The following NRG1 variants were observed in gnomAD, a reference collection of about 807,000 sequenced individuals.
NRG1 encodes the protein pro-neuregulin-1, membrane-bound isoform.
In NRG1, 18 loss-of-function variants were observed where a neutral mutation model predicts 63.8. That is an observed-to-expected ratio of 0.28 (90% CI 0.19 to 0.42). The LOEUF (loss-of-function observed/expected upper bound fraction) is 0.42. Among genes scored for constraint, NRG1 ranks in the 10% least tolerant of loss-of-function variants. The probability of loss-of-function intolerance (pLI) is 1.00; values close to 1 mark genes in which losing one functional copy is unlikely to be tolerated. For missense variants in NRG1, 762 were observed against 814.7 expected (o/e 0.94, Z 0.79); for synonymous variants, 302 against 301.3 (o/e 1.00, Z -0.02).
intron 1 of NRG1, among the ~76,000 whole-genome samples, chr8:32,219,263 A>G (rs976661099): frequency 6.6e-6 from 1 of 152,234 alleles, no homozygotes; most frequent in Non-Finnish European, 1.5e-5. Context: ...GTGAAAATAA[A>G]TGCCATTTCT....
chr8:32,497,069 T>C (rs1313986811), intron 1 of NRG1, among the ~76,000 whole-genome samples: 1 of 152,168 alleles, frequency 6.6e-6, no homozygotes, highest in Non-Finnish European at 1.5e-5. Flanking sequence ...CACATCCAAG[T>C]GCCCATATAC....
At position 32,113,632 on chromosome 8, in the gene NRG1, G is replaced by A. The variant is rs768079699; in HGVS notation, c.37+474201G>A. ...ATTCTTCATAGAATCTGATATAAGT[G>A]TCTACCTTGAAAGGTTATTACAAGG... is the stretch of plus-strand genomic sequence containing the variant. On this transcript the variant is annotated intron_variant, in intron 1 of 10. Coordinates refer to the NRG1 transcript ENST00000519301. Among the ~76,000 whole-genome samples, 52 of 152,164 alleles carry A rather than the reference G, an allele frequency of 3.4e-4. 1 individual carries two copies. Among genetic ancestry groups the A allele is most frequent in the Non-Finnish European group, 7.1e-4 (48 of 68,040 alleles).
chr8:32,031,201 C>T (rs975391803), intron 1 of NRG1, among the ~76,000 whole-genome samples: 2 of 152,204 alleles, frequency 1.3e-5, no homozygotes, highest in Non-Finnish European at 2.9e-5. Context: ...TGGCTACCAT[C>T]CATCACCAGG....
rs751621705 is a variant in NRG1, at chr8:31,718,358, G to A, written c.37+78927G>A. ...GATGTGGTATGTGGAATGTGGATTCGTTCGTATCAGGCATGCTTCTTATAG... is the reference window on the plus strand; with the variant it reads ...GATGTGGTATGTGGAATGTGGATTCATTCGTATCAGGCATGCTTCTTATAG... On this transcript the variant is annotated intron_variant, in intron 1 of 10. Coordinates refer to the NRG1 transcript ENST00000519301. Among the ~76,000 whole-genome samples, 283 of 152,252 alleles carry A rather than the reference G, an allele frequency of 1.9e-3. 2 individuals are homozygous for A. Among genetic ancestry groups the A allele is most frequent in the Non-Finnish European group, 2.1e-3 (145 of 68,028 alleles).
intron 1 of NRG1, among the ~76,000 whole-genome samples, chr8:32,481,507 A>G (rs1587893960): frequency 6.6e-6 from 1 of 152,260 alleles, no homozygotes; most frequent in Non-Finnish European, 1.5e-5. Context: ...ATCATGGTCC[A>G]TAGATAATAC....
At chr8:32,315,652 A>G (rs1354306403) in intron 1 of NRG1, among the ~76,000 whole-genome samples, 2 of 152,200 alleles carry the variant, frequency 1.3e-5, no homozygotes, top group Non-Finnish European at 2.9e-5. Flanking sequence ...CTTGTTTACC[A>G]TTGAATCTGA....
At chr8:32,306,172 A>G (rs915114452) in intron 1 of NRG1, among the ~76,000 whole-genome samples, 1 of 152,202 alleles carries the variant, frequency 6.6e-6, no homozygotes, top group African/African-American at 2.4e-5. Context: ...GGCCATAATA[A>G]GTAATGAGAG....
At chr8:32,087,720 C>T (rs2131229894) in intron 1 of NRG1, among the ~76,000 whole-genome samples, 1 of 152,236 alleles carries the variant, frequency 6.6e-6, no homozygotes, top group South Asian at 2.1e-4. Context: ...CTGCCCGCCT[C>T]AGGCTCCCAA....
intron 2 of NRG1, among the ~76,000 whole-genome samples, chr8:32,601,908 T>G (rs572113514): frequency 6.6e-6 from 1 of 152,242 alleles, no homozygotes; most frequent in African/African-American, 2.4e-5. Context: ...TTAAAAATAG[T>G]TTTAAAAATG....
rs373907256 is a variant in NRG1 at position 32,630,647 on chromosome 8, T to C, written c.502+13762T>C. Among the ~76,000 whole-genome samples the C allele has an allele frequency of 8.9e-4, 136 of 152,308 alleles. No homozygotes were observed. In the Middle Eastern group the frequency reaches 0.02, roughly 23 times the overall value. On this transcript the variant is annotated intron_variant, in intron 5 of 11. Coordinates refer to ENST00000356819, the Ensembl canonical transcript of NRG1. The stretch of plus-strand genomic sequence containing the variant: ...TTTTAGTTTAAGTTTCAGATTGATA[T>C]GGAAGGTTATTTGTTTTAACAATCC...
intron 1 of NRG1, among the ~76,000 whole-genome samples, chr8:31,826,841 CTTTG>C (rs1313717399): frequency 5.3e-5 from 8 of 152,176 alleles, no homozygotes; most frequent in African/African-American, 7.2e-5. Flanking sequence ...AAGTTTGTTA[CTTTG>C]TTTGAGAGAT....
chr8:32,258,097 C>T (rs140385019), intron 1 of NRG1, among the ~76,000 whole-genome samples: 2 of 152,268 alleles, frequency 1.3e-5, no homozygotes, highest in African/African-American at 4.8e-5. Context: ...CTGTGTCGAC[C>T]TCTGGAGGAA....
chr8:32,197,053 G>A lies in NRG1; in HGVS notation c.38-398775G>A, dbSNP rs569511703. Among the ~76,000 whole-genome samples, 20 of 139,302 alleles carry A rather than the reference G, an allele frequency of 1.4e-4. No homozygotes were observed. The South Asian group carries it at 2.2e-3, about 15-fold the overall frequency. 91.4% of individuals were successfully genotyped at this position (139,302 alleles called of 152,430 possible). A position where few individuals can be genotyped will look rare whatever the true frequency, so the allele number is the denominator to read the frequency against. On this transcript the variant is annotated intron_variant, in intron 1 of 10. Coordinates refer to the NRG1 transcript ENST00000519301. ...TGGCTCACTGCAACCTTCGCCTCCC[G>A]GGTTCAAACGATTCTCCTGCCTCAG...
chr8:31,660,443 G>T (rs1333566029), intron 1 of NRG1, among the ~76,000 whole-genome samples: 3 of 152,178 alleles, frequency 2.0e-5, no homozygotes, highest in Non-Finnish European at 4.4e-5. Context: ...GTTTCATTTT[G>T]TTTGCCGAGT....
At chr8:31,754,416 C>T (rs928275327) in intron 1 of NRG1, among the ~76,000 whole-genome samples, 5 of 152,058 alleles carry the variant, frequency 3.3e-5, no homozygotes, top group East Asian at 1.9e-4. Context: ...TTGCTTTGGC[C>T]GTGTGACGTG....
chr8:31,770,794 T>C (rs1019493491), intron 1 of NRG1, among the ~76,000 whole-genome samples: 23 of 129,108 alleles, frequency 1.8e-4, no homozygotes, highest in African/African-American at 4.4e-4. Context: ...TATATATATA[T>C]ATACATATAT....
intron 5 of NRG1, among the ~76,000 whole-genome samples, chr8:32,633,958 A>G (rs951210960): frequency 5.3e-5 from 8 of 151,982 alleles, no homozygotes; most frequent in Non-Finnish European, 7.4e-5. Context: ...CCTGGGCAAC[A>G]TTGTGAGATC....
intron 1 of NRG1, among the ~76,000 whole-genome samples, chr8:31,915,843 A>G (rs1014583112): frequency 2.6e-5 from 4 of 152,142 alleles, no homozygotes; most frequent in African/African-American, 9.7e-5. Flanking sequence ...TATTTTTTGT[A>G]TGGTGGGTTT....
intron 1 of NRG1, among the ~76,000 whole-genome samples, chr8:31,969,703 C>G (rs1006498422): frequency 1.3e-5 from 2 of 152,170 alleles, no homozygotes; most frequent in Non-Finnish European, 2.9e-5. Flanking sequence ...GCTCTACTCC[C>G]TTACACAGAA....
Sources: allele counts gnomAD v4.1 joint callset (sites outside exome capture counted in the v4.1 genomes callset), GRCh38; gene constraint gnomAD v4.1.1; transcripts MANE v1.5; gene names NCBI Gene and HGNC (gene_info 2026-07-23, HGNC 2026-07-21).